The following MYT1 variants were observed in gnomAD, a reference collection of about 807,000 sequenced individuals.
MYT1 encodes the protein myelin transcription factor I.
A neutral mutation model predicts 123.0 loss-of-function variants in MYT1; 23 were observed. The ratio of observed to expected loss-of-function variants is 0.19; its 90% CI spans 0.13 to 0.26. MYT1 has a LOEUF of 0.26. Among genes scored for constraint, MYT1 ranks in the 10% least tolerant of loss-of-function variants. The pLI, the probability that MYT1 is intolerant of heterozygous loss-of-function variation, is 1.00. For missense variants in MYT1, 1,125 were observed against 1,472.5 expected, an observed-to-expected ratio of 0.76 and a Z score of 3.86; for synonymous variants, 518 against 575.3, an observed-to-expected ratio of 0.90 and a Z score of 1.43.
chr20:64,201,934 CGTGTCGGGAACCTCT>C (rs1568708072), intron 4 of MYT1, among the ~76,000 whole-genome samples: 2 of 137,346 alleles, frequency 1.5e-5, no homozygotes, highest in African/African-American at 2.8e-5. Context: ...GGAACCCCCG[CGTGTCGGGAACCTCT>C]GCGTGTCGGG....
intron 12 of MYT1, among the ~76,000 whole-genome samples, chr20:64,219,461 C>T (rs183755153): frequency 3.9e-4 from 60 of 152,340 alleles, no homozygotes; most frequent in Non-Finnish European, 7.1e-4. Context: ...TAGTCTTACC[C>T]GTGTTTATGA....
At position 64,240,476 on chromosome 20, in the gene MYT1, C is replaced by G. The variant is rs778132439; in HGVS notation, c.*28C>G. 9 of 1,603,782 alleles carry G rather than the reference C, an allele frequency of 5.6e-6. No homozygotes were observed. In the Admixed American group the frequency reaches 1.4e-4, roughly 24 times the overall value. On this transcript the variant is annotated 3_prime_UTR_variant, in exon 23 of 23. Coordinates refer to ENST00000328439, the MANE Select transcript of MYT1 (RefSeq NM_004535.3). ...CGTGTGGTACCCAGAAGTGTCCCAG[C>G]CCACCACACCGTTTACCTCCCTCGC...
intron 1 of MYT1, among the ~76,000 whole-genome samples, chr20:64,188,935 C>T (rs751708876): frequency 9.9e-5 from 15 of 152,212 alleles, no homozygotes; most frequent in South Asian, 2.1e-4. Context: ...TGGTTTTATT[C>T]GTTCCTCTGT....
At chr20:64,195,452 G>A (rs1465185697) in intron 2 of MYT1, among the ~76,000 whole-genome samples, 3 of 145,930 alleles carry the variant, frequency 2.1e-5, no homozygotes, top group East Asian at 2.0e-4. Flanking sequence ...CTGGAGTGCA[G>A]TGGTGCAATC....
chr20:64,222,057 T>G lies in MYT1; in HGVS notation c.2396+10T>G, dbSNP rs1984022366. On this transcript the variant is annotated intron_variant, in intron 14 of 22. Transcript: ENST00000328439. ...AGAAGGAGCTGCTCACGTAAGTCCC[T>G]GTTTGGCTGGCACAGCTCCTAGGGG... The G allele has an allele frequency of 1.9e-6, 3 of 1,611,978 alleles. No homozygotes were observed. The South Asian group carries it at 3.3e-5, about 18-fold the overall frequency.
rs1983342494 is a variant in MYT1, at chr20:64,202,173, G to C, written c.86+2251G>C. Among the ~76,000 whole-genome samples the C allele has an allele frequency of 1.3e-5, 2 of 152,250 alleles. No homozygotes were observed. The highest frequency in any genetic ancestry group is 4.1e-4 in the South Asian group (2 of 4,838). ...GCTCGCCTCCCCACCAGCTCAGGCA[G>C]AGCTCCCAGGAAGACAGTCCATTGG... On this transcript the variant is annotated intron_variant, in intron 4 of 22. Transcript: ENST00000328439. The surrounding 1 kb of genome is among the most constrained non-coding windows in gnomAD (Gnocchi z 5.0).
intron 16 of MYT1, 49 bp from the exon 17 acceptor site, chr20:64,227,366 G>A: frequency 6.3e-7 from 1 of 1,594,290 alleles, no homozygotes; most frequent in Non-Finnish European, 8.6e-7. Flanking sequence ...TCTGGGCCGG[G>A]GCTAAACGCC....
Position 64,237,383 on chromosome 20 carries a change from A to G in MYT1, c.3086A>G (p.Gln1029Arg). The part of the protein sequence containing the change: ...SEMEAAMVQL[Q>R]SQISSMEKNL... ...ATGGAGGCTGCCATGGTGCAGCTGC[A>G]GTCCCAGGTAGGTGGTGCCGCCCCC... is the stretch of plus-strand genomic sequence containing the variant. Residue 1029 changes from glutamine (Q) to arginine (R), a missense_variant, in exon 21 of 23, where the codon CAG becomes CGG. Gln to Arg is a conservative substitution (Grantham distance 43, BLOSUM62 1). Transcript: ENST00000328439. 1.9e-6 allele frequency: 3 copies of G among 1,604,108 alleles called. No individual in the cohort carries two copies. Among genetic ancestry groups the G allele is most frequent in the Non-Finnish European group, 2.5e-6 (3 of 1,176,576 alleles).
At chr20:64,236,270 T>C (rs1412108925) in intron 19 of MYT1, among the ~76,000 whole-genome samples, 8 of 144,666 alleles carry the variant, frequency 5.5e-5, no homozygotes, top group Admixed American at 6.8e-5. Flanking sequence ...ATGGCGGTGG[T>C]GGGTGACCCG....
At chr20:64,200,693 A>T (rs1983269415) in intron 4 of MYT1, among the ~76,000 whole-genome samples, 1 of 152,220 alleles carries the variant, frequency 6.6e-6, no homozygotes, top group African/African-American at 2.4e-5. Context: ...TCATGGAAGC[A>T]CTGCCTGGTG....
chr20:64,184,452 C>A (rs563617420), intron 1 of MYT1, among the ~76,000 whole-genome samples: 4 of 152,092 alleles, frequency 2.6e-5, no homozygotes, highest in African/African-American at 2.4e-5. Context: ...GAGGGGGTTA[C>A]TTCTGGACTC....
intron 16 of MYT1, among the ~76,000 whole-genome samples, chr20:64,225,740 T>A (rs1338076888): frequency 6.6e-6 from 1 of 152,026 alleles, no homozygotes; most frequent in Non-Finnish European, 1.5e-5. Context: ...CACAGAGCCA[T>A]GAGGGGCATG....
In MYT1 at chr20:64,240,677, C is replaced by G. The variant is rs1056811451; in HGVS notation, c.*229C>G. Reference sequence around the variant, plus strand: ...TGTGCATAGGGGCACTGAAGAATTACAAAGTGATTTATTTTTGTTTTCTGA... The same window carrying G: ...TGTGCATAGGGGCACTGAAGAATTAGAAAGTGATTTATTTTTGTTTTCTGA... On this transcript the variant is annotated 3_prime_UTR_variant, in exon 23 of 23. Coordinates refer to ENST00000328439, the MANE Select transcript of MYT1 (RefSeq NM_004535.3). The G allele has an allele frequency of 6.8e-5, 32 of 472,138 alleles. No homozygotes were observed. Among genetic ancestry groups the G allele is most frequent in the Non-Finnish European group, 1.5e-5 (4 of 273,634 alleles). 29.2% of individuals were successfully genotyped at this position (472,138 alleles called of 1,614,324 possible). A position where few individuals can be genotyped will look rare whatever the true frequency, so the allele number is the denominator to read the frequency against.
At position 64,223,830 on chromosome 20, in the gene MYT1, C is replaced by G. The variant is rs4809417; in HGVS notation, c.2528+471C>G. 3.4e-3 allele frequency among the ~76,000 whole-genome samples: 523 copies of G among 152,330 alleles called. 6 individuals are homozygous for G. The highest frequency in any genetic ancestry group is 0.025 in the Admixed American group (377 of 15,310). ...TGAAGAGAAAGCTCCTTCCCCTCCC[C>G]TCTCCTGTCACGCTCCAGCTGCTTC... is the stretch of plus-strand genomic sequence containing the variant. On this transcript the variant is annotated intron_variant, in intron 16 of 22. Transcript: ENST00000328439.
At position 64,210,148 on chromosome 20, in the gene MYT1, T is replaced by C. The variant is rs369200376; in HGVS notation, c.1292-1058T>C. Among the ~76,000 whole-genome samples the C allele has an allele frequency of 5.9e-5, 9 of 152,294 alleles. 1 individual carries two copies. The highest frequency in any genetic ancestry group is 3.9e-4 in the East Asian group (2 of 5,178). On this transcript the variant is annotated intron_variant, in intron 7 of 22. Coordinates refer to ENST00000328439, the MANE Select transcript of MYT1 (RefSeq NM_004535.3). The stretch of plus-strand genomic sequence containing the variant: ...CCCTAGGCCCAGGTTTTTGAGGGTC[T>C]CAGACCTGTGGGACAGACATAGGAG...
Position 64,196,303 on chromosome 20 carries a change from A to C in MYT1, c.1-2559A>C, listed in dbSNP as rs943817647. Among the ~76,000 whole-genome samples the C allele has an allele frequency of 8.5e-5, 13 of 152,210 alleles. No homozygotes were observed. Among genetic ancestry groups the C allele is most frequent in the Non-Finnish European group, 1.9e-4 (13 of 68,036 alleles). ...CTGCCGTCCAGGGATCACCAAGGTGAGCCTGGGTGGTGCTGGGCACAGGGC... is the reference window on the plus strand; with the variant it reads ...CTGCCGTCCAGGGATCACCAAGGTGCGCCTGGGTGGTGCTGGGCACAGGGC... On this transcript the variant is annotated intron_variant, in intron 2 of 22. Coordinates refer to ENST00000328439, the MANE Select transcript of MYT1 (RefSeq NM_004535.3). This position sits in a 1 kb window ranked among gnomAD's most constrained non-coding sequence, Gnocchi z 4.3.
In MYT1 at chr20:64,189,225, A is replaced by G. The variant is rs930846610; in HGVS notation, c.-98-838A>G. 2.2e-4 allele frequency among the ~76,000 whole-genome samples: 33 copies of G among 152,248 alleles called. No individual in the cohort carries two copies. Among genetic ancestry groups the G allele is most frequent in the African/African-American group, 6.5e-4 (27 of 41,468 alleles). ...CCAAACTCACTTCCAAGGCAAAGCCAGGGCCCAACACGAGAATATTCATTT... is the reference window on the plus strand; with the variant it reads ...CCAAACTCACTTCCAAGGCAAAGCCGGGGCCCAACACGAGAATATTCATTT... On this transcript the variant is annotated intron_variant, in intron 1 of 22. Transcript: ENST00000328439. The surrounding 1 kb of genome is among the most constrained non-coding windows in gnomAD (Gnocchi z 5.5).
At chr20:64,211,432 C>T (rs1295618889) in intron 8 of MYT1, 92 bp downstream of exon 8, 2 of 1,354,410 alleles carry the variant, frequency 1.5e-6, no homozygotes, top group Non-Finnish European at 2.0e-6. Context: ...CGTGGCCTGC[C>T]CAGGGCCATA....
Position 64,203,517 on chromosome 20 carries a change from T to C in MYT1, c.87-1518T>C, listed in dbSNP as rs113745100. Among the ~76,000 whole-genome samples, 28 of 152,060 alleles carry C rather than the reference T, an allele frequency of 1.8e-4. 2 individuals carry two copies. The highest frequency in any genetic ancestry group is 6.5e-4 in the African/African-American group (27 of 41,476). On this transcript the variant is annotated intron_variant, in intron 4 of 22. Coordinates refer to ENST00000328439, the MANE Select transcript of MYT1 (RefSeq NM_004535.3). The surrounding 1 kb of genome is among the most constrained non-coding windows in gnomAD (Gnocchi z 5.1). ...CCCTCTCTCGCTCTCTCCCTCTTCC[T>C]CCCTCTTCCCCTCCCTTCCCGTCTG...
Sources: allele counts gnomAD v4.1 joint callset (sites outside exome capture counted in the v4.1 genomes callset), GRCh38; gene constraint gnomAD v4.1.1; non-coding constraint Gnocchi (gnomAD v3.1); transcripts MANE v1.5; gene names NCBI Gene and HGNC (gene_info 2026-07-23, HGNC 2026-07-21).